Variants in CCDC7 observed in about 807,000 individuals in gnomAD.
CCDC7 encodes the protein coiled-coil domain containing 7.
A neutral mutation model predicts 196.9 loss-of-function variants in CCDC7; 183 were observed. The ratio of observed to expected loss-of-function variants is 0.93; its 90% confidence interval spans 0.82 to 1.05. The LOEUF (loss-of-function observed/expected upper bound fraction) is 1.05, where lower values mean the gene tolerates loss of function less well. Ranked by LOEUF, CCDC7 falls within the 50% of genes least tolerant of loss-of-function variation. The pLI, the probability that CCDC7 is intolerant of heterozygous loss-of-function variation, is 0.00. For synonymous variants in CCDC7, 525 were observed against 484.6 expected, an observed-to-expected ratio of 1.08 and a Z score of -1.10; for missense variants, 1,540 against 1,482.2, an observed-to-expected ratio of 1.04 and a Z score of -0.64.
chr10:32,469,828 C>T (rs2037584750), intron 5 of CCDC7, among the ~76,000 whole-genome samples: 1 of 152,122 alleles, frequency 6.6e-6, no homozygotes, highest in South Asian at 2.1e-4. Context: ...AAATCTTCTT[C>T]CTCTTCTAGT....
chr10:32,727,451 C>T (rs1433960140), intron 26 of CCDC7, among the ~76,000 whole-genome samples: 2 of 151,944 alleles, frequency 1.3e-5, no homozygotes, highest in Admixed American at 6.6e-5. Context: ...ATTGAGAGGA[C>T]GAAAAGATAG....
chr10:32,838,327 T>G (rs1305934437), intron 33 of CCDC7, among the ~76,000 whole-genome samples: 2 of 152,044 alleles, frequency 1.3e-5, no homozygotes, highest in East Asian at 3.9e-4. Context: ...AGGACACACT[T>G]AGAGAAATGC....
chr10:32,548,841 T>A (rs923192805), intron 13 of CCDC7, among the ~76,000 whole-genome samples: 4 of 152,228 alleles, frequency 2.6e-5, no homozygotes, highest in Non-Finnish European at 4.4e-5. Flanking sequence ...GTTCCATGAT[T>A]TTGCAGTTGT....
At chr10:32,493,721 A>G (rs1169130716) in intron 9 of CCDC7, among the ~76,000 whole-genome samples, 1 of 151,952 alleles carries the variant, frequency 6.6e-6, no homozygotes, top group South Asian at 2.1e-4. Flanking sequence ...CTTTTTGATA[A>G]TAGCCATTTT....
chr10:32,727,651 C>G (rs2083322714), intron 26 of CCDC7, among the ~76,000 whole-genome samples: 1 of 152,062 alleles, frequency 6.6e-6, no homozygotes, highest in African/African-American at 2.4e-5. Flanking sequence ...TAGGTTGGTG[C>G]AAAAGCAATT....
chr10:32,863,820 G>C (rs1035070256), intron 41 of CCDC7, among the ~76,000 whole-genome samples: 1 of 151,748 alleles, frequency 6.6e-6, no homozygotes, highest in Non-Finnish European at 1.5e-5. Flanking sequence ...TAGGAGAAAA[G>C]ATCTTTGATG....
At chr10:32,496,988 T>G (rs907128467) in intron 9 of CCDC7, among the ~76,000 whole-genome samples, 1 of 152,010 alleles carries the variant, frequency 6.6e-6, no homozygotes, top group Non-Finnish European at 1.5e-5. Flanking sequence ...CTTTGTACCT[T>G]TGGTAGAATT....
In CCDC7 at chr10:32,630,842, CT is replaced by C. The variant is rs150209388; in HGVS notation, c.1802-3409del. On this transcript the variant is annotated intron_variant, in intron 18 of 41. Transcript: ENST00000639629. ...CAGTTAGAAAATATAGCCCCAAATT[CT>C]TTGAGTCTTCTTCCAGTCAGGAAAT... Among the ~76,000 whole-genome samples, 1,202 of 152,204 alleles carry C rather than the reference CT, an allele frequency of 7.9e-3. 7 individuals are homozygous for C. Among genetic ancestry groups the C allele is most frequent in the Middle Eastern group, 0.02 (6 of 294 alleles).
chr10:32,669,378 A>G (rs2073570416), intron 21 of CCDC7, among the ~76,000 whole-genome samples: 1 of 152,096 alleles, frequency 6.6e-6, no homozygotes, highest in Non-Finnish European at 1.5e-5. Context: ...TGGCTTTGGT[A>G]TCAGTAATGC....
rs1273968291 is a variant in CCDC7 at position 32,814,422 on chromosome 10, T to G, written c.3150T>G (p.Asp1050Glu). ...CATTTGGAAGAGATATACTAAAGGA[T>G]GAATTCAAGACACGATCAAAGAGTC... Residue 1050 changes from aspartate (D) to glutamate (E), a missense_variant, in exon 31 of 42, where the codon GAT (aspartate) becomes GAG (glutamate). Physicochemically the swap from Asp to Glu is conservative, Grantham distance 45 (BLOSUM62 2). Transcript: ENST00000639629. The G allele has an allele frequency of 2.5e-6, 4 of 1,612,098 alleles. No homozygotes were observed. In the Admixed American group the frequency reaches 5.0e-5, roughly 20 times the overall value.
At chr10:32,459,504 G>A (rs895748472) in intron 3 of CCDC7, among the ~76,000 whole-genome samples, 3 of 152,116 alleles carry the variant, frequency 2.0e-5, no homozygotes, top group Non-Finnish European at 2.9e-5. Flanking sequence ...GGGCAAGACC[G>A]AGTTAAAATA....
intron 18 of CCDC7, among the ~76,000 whole-genome samples, chr10:32,587,162 C>G (rs1210744151): frequency 6.6e-6 from 1 of 152,158 alleles, no homozygotes; most frequent in Non-Finnish European, 1.5e-5. Context: ...ACATCTATTT[C>G]CACAACTTTT....
intron 18 of CCDC7, among the ~76,000 whole-genome samples, chr10:32,609,492 A>G (rs895268864): frequency 6.6e-6 from 1 of 152,102 alleles, no homozygotes; most frequent in Non-Finnish European, 1.5e-5. Flanking sequence ...TTGAATTTCC[A>G]TAGGCTACAT....
intron 13 of CCDC7, among the ~76,000 whole-genome samples, chr10:32,550,563 A>G (rs1250146629): frequency 6.6e-6 from 1 of 152,088 alleles, no homozygotes; most frequent in Non-Finnish European, 1.5e-5. Flanking sequence ...GGCTTTTATT[A>G]CATTATGGTA....
exon 6 of CCDC7, chr10:32,471,066 A>G (rs780123992): frequency 4.4e-6 from 7 of 1,582,818 alleles, no homozygotes; most frequent in Non-Finnish European, 6.0e-6. Flanking sequence ...TATTTTAGAT[A>G]AGTAAAGATC....
At chr10:32,586,380 T>A (rs1448229983) in intron 18 of CCDC7, among the ~76,000 whole-genome samples, 4 of 152,322 alleles carry the variant, frequency 2.6e-5, no homozygotes, top group Non-Finnish European at 5.9e-5. Flanking sequence ...TTAGTTTAAT[T>A]AGATCTTATT....
intron 5 of CCDC7, among the ~76,000 whole-genome samples, chr10:32,467,537 T>G (rs1474214766): frequency 3.9e-5 from 6 of 152,222 alleles, no homozygotes; most frequent in African/African-American, 1.4e-4. Flanking sequence ...ATTTCTAGGT[T>G]GCCTGTTTAC....
chr10:32,666,738 G>A (rs2072840613), intron 21 of CCDC7, among the ~76,000 whole-genome samples: 3 of 152,114 alleles, frequency 2.0e-5, no homozygotes, highest in South Asian at 4.2e-4. Flanking sequence ...TTATTCCATG[G>A]TGTATATGTG....
In CCDC7 at chr10:32,658,886, G is replaced by A. The variant is rs1254386463; in HGVS notation, c.2015-5168G>A. The stretch of plus-strand genomic sequence containing the variant: ...ATTTTTTGTATTTCTGTGGTCAGTT[G>A]TAATGTCTCATCTCTCATTTATAAT... On this transcript the variant is annotated intron_variant, in intron 20 of 41. Transcript: ENST00000639629. Among the ~76,000 whole-genome samples, 5 of 152,100 alleles carry A rather than the reference G, an allele frequency of 3.3e-5. No homozygotes were observed. In the South Asian group the frequency reaches 1.0e-3, roughly 32 times the overall value.
Sources: gnomAD v4.1 joint callset for allele counts (sites outside exome capture counted in the v4.1 genomes callset) on GRCh38, gnomAD v4.1.1 for gene constraint, MANE v1.5 for transcripts, NCBI Gene and HGNC (gene_info 2026-07-23, HGNC 2026-07-21) for gene names.